Variants in TTC28 observed in about 807,000 individuals in gnomAD.
TTC28 encodes the protein tetratricopeptide repeat domain 28, also known as tetratricopeptide repeat protein 28.
A neutral mutation model predicts 198.0 loss-of-function variants in TTC28; 61 were observed. The observed-to-expected ratio is 0.31, with a 90% CI of 0.25 to 0.38. The LOEUF is 0.38. Ranked by LOEUF, TTC28 falls within the 10% of genes least tolerant of loss-of-function variation. The pLI, the probability that TTC28 is intolerant of heterozygous loss-of-function variation, is 1.00. For missense variants in TTC28, 2,678 were observed against 3,164.0 expected, an observed-to-expected ratio of 0.85 and a Z score of 3.69; for synonymous variants, 1,171 against 1,297.8, an observed-to-expected ratio of 0.90 and a Z score of 2.10.
intron 2 of TTC28, among the ~76,000 whole-genome samples, chr22:28,357,406 C>T (rs1465061953): frequency 2.0e-5 from 3 of 147,770 alleles, no homozygotes; most frequent in Non-Finnish European, 3.0e-5. Context: ...GCTGTAACCT[C>T]CCAGACTCAA....
Position 28,630,289 on chromosome 22 carries a change from T to C in TTC28, c.103-459A>G, listed in dbSNP as rs578177593. Among the ~76,000 whole-genome samples the C allele has an allele frequency of 4.6e-5, 7 of 152,252 alleles. No individual in the cohort carries two copies. In the South Asian group the frequency reaches 1.2e-3, roughly 27 times the overall value. On this transcript the variant is annotated intron_variant, in intron 1 of 22. Coordinates refer to ENST00000397906, the MANE Select transcript of TTC28 (RefSeq NM_001145418.2). ...TACTCAGCCTCAGGTATTTATTTTT[T>C]ACTCTTATTTTTTTTCAGATGAGGT...
At chr22:28,002,973 G>C (rs1569078119) in intron 14 of TTC28, among the ~76,000 whole-genome samples, 1 of 152,196 alleles carries the variant, frequency 6.6e-6, no homozygotes, top group Non-Finnish European at 1.5e-5. Flanking sequence ...GACAGAGCGA[G>C]ACTGTGTCTC....
chr22:28,456,234 A>G (rs2047858104), intron 2 of TTC28, among the ~76,000 whole-genome samples: 1 of 152,016 alleles, frequency 6.6e-6, no homozygotes, highest in Admixed American at 6.6e-5. Context: ...AAATGTGGCC[A>G]TGTATAATCC....
intron 2 of TTC28, among the ~76,000 whole-genome samples, chr22:28,433,126 T>C (rs2047457387): frequency 6.6e-6 from 1 of 152,170 alleles, no homozygotes; most frequent in African/African-American, 2.4e-5. Context: ...TACTATCAAA[T>C]TTGCATTTTC....
intron 2 of TTC28, among the ~76,000 whole-genome samples, chr22:28,328,592 A>G (rs2045567513): frequency 6.6e-6 from 1 of 151,538 alleles, no homozygotes; most frequent in Non-Finnish European, 1.5e-5. Context: ...CGTCTCTACT[A>G]AAAATACAAA....
At chr22:28,658,814 T>C (rs975418524) in intron 1 of TTC28, among the ~76,000 whole-genome samples, 5 of 152,146 alleles carry the variant, frequency 3.3e-5, no homozygotes, top group Non-Finnish European at 7.3e-5. Flanking sequence ...CTGGCCAACA[T>C]GGTAAAACCT....
chr22:28,364,603 T>C (rs1027070328), intron 2 of TTC28, among the ~76,000 whole-genome samples: 4 of 151,976 alleles, frequency 2.6e-5, no homozygotes, highest in African/African-American at 9.7e-5. Flanking sequence ...TAGGAGGAGG[T>C]CAAAATATCA....
intron 12 of TTC28, among the ~76,000 whole-genome samples, chr22:28,060,467 G>A (rs962723739): frequency 1.3e-5 from 2 of 152,126 alleles, no homozygotes; most frequent in Non-Finnish European, 2.9e-5. Flanking sequence ...TGGTGTATAT[G>A]TGCCACATTT....
chr22:28,191,010 C>T (rs1341041565), intron 5 of TTC28, among the ~76,000 whole-genome samples: 1 of 152,150 alleles, frequency 6.6e-6, no homozygotes, highest in Admixed American at 6.6e-5. Context: ...GAATCTAACC[C>T]CTAGGCCTGG....
intron 13 of TTC28, chr22:28,029,012 A>G (rs1382508371): frequency 4.2e-6 from 2 of 471,134 alleles, no homozygotes; most frequent in Non-Finnish European, 8.8e-6. Flanking sequence ...AGCCTGCATC[A>G]CCTGGTGGAG....
At chr22:28,576,360 A>G (rs1164683271) in intron 2 of TTC28, among the ~76,000 whole-genome samples, 1 of 151,866 alleles carries the variant, frequency 6.6e-6, no homozygotes, top group African/African-American at 2.4e-5. Flanking sequence ...GATCTTTTTA[A>G]TGTGTTGTTG....
chr22:28,542,577 C>A (rs1488586339), intron 2 of TTC28, among the ~76,000 whole-genome samples: 3 of 151,918 alleles, frequency 2.0e-5, no homozygotes, highest in South Asian at 4.2e-4. Context: ...TATATTTTAA[C>A]ATAATTAAAA....
chr22:28,145,342 T>C (rs1168472064), intron 6 of TTC28, among the ~76,000 whole-genome samples: 1 of 152,120 alleles, frequency 6.6e-6, no homozygotes, highest in Non-Finnish European at 1.5e-5. Flanking sequence ...AGGTAAGAGC[T>C]CACGTTAGGC....
At chr22:28,459,281 A>G (rs2146272600) in intron 2 of TTC28, among the ~76,000 whole-genome samples, 1 of 152,202 alleles carries the variant, frequency 6.6e-6, no homozygotes, top group Non-Finnish European at 1.5e-5. Flanking sequence ...AATACAAAAA[A>G]TTACCCAGGC....
chr22:28,645,226 C>T (rs2051439950), intron 1 of TTC28, among the ~76,000 whole-genome samples: 1 of 152,098 alleles, frequency 6.6e-6, no homozygotes, highest in African/African-American at 2.4e-5. Flanking sequence ...AATAATGCTC[C>T]AGTTCAAGGG....
intron 5 of TTC28, among the ~76,000 whole-genome samples, chr22:28,210,237 C>T (rs1926809249): frequency 6.6e-6 from 1 of 152,216 alleles, no homozygotes; most frequent in Admixed American, 6.5e-5. Flanking sequence ...GCCTCTTCTC[C>T]ACCAAAGGAA....
At chr22:28,569,295 C>T (rs141262438) in intron 2 of TTC28, among the ~76,000 whole-genome samples, 264 of 152,056 alleles carry the variant, frequency 1.7e-3, no homozygotes, top group Non-Finnish European at 2.0e-3. Context: ...TCAAACAATA[C>T]GACAAGGCTA....
rs531327013 is a variant in TTC28 at position 28,525,899 on chromosome 22, TAACA to T, written c.381+103649_381+103652del. Among the ~76,000 whole-genome samples, 30 of 152,344 alleles carry T rather than the reference TAACA, an allele frequency of 2.0e-4. No individual in the cohort carries two copies. The South Asian group carries it at 6.0e-3, about 31-fold the overall frequency. On this transcript the variant is annotated intron_variant, in intron 2 of 22. Transcript: ENST00000397906. ...TTTTTAGATGGAAATAAATCCATTTTAACAAACAAACACTATAGTATCTACTATT... is the reference window on the plus strand; with the variant it reads ...TTTTTAGATGGAAATAAATCCATTTTAACAAACACTATAGTATCTACTATT...
At chr22:28,032,087 TATA>T (rs1424073465) in intron 12 of TTC28, among the ~76,000 whole-genome samples, 1 of 149,946 alleles carries the variant, frequency 6.7e-6, no homozygotes, top group Non-Finnish European at 1.5e-5. Flanking sequence ...ACCAATTCCT[TATA>T]ATAAGTTTCC....
Sources: gnomAD v4.1 joint callset for allele counts (sites outside exome capture counted in the v4.1 genomes callset) on GRCh38, gnomAD v4.1.1 for gene constraint, MANE v1.5 for transcripts, NCBI Gene and HGNC (gene_info 2026-07-23, HGNC 2026-07-21) for gene names.